The following PCDHA10 variants were observed in gnomAD, a reference collection of about 807,000 sequenced individuals.
The protein encoded by PCDHA10 is protocadherin alpha-10.
Under a neutral mutation model 61.2 loss-of-function variants are expected in PCDHA10, and 45 were observed. The observed-to-expected ratio is 0.74, with a 90% CI of 0.58 to 0.94. The LOEUF (loss-of-function observed/expected upper bound fraction) is 0.94. Ranked by LOEUF, PCDHA10 falls within the 40% of genes least tolerant of loss-of-function variation. PCDHA10 has a pLI of 0.00. For synonymous variants in PCDHA10, 602 were observed against 548.8 expected (o/e 1.10, Z -1.35); for missense variants, 1,278 against 1,236.2 (o/e 1.03, Z -0.51).
chr5:140,913,073 G>A (rs529914576), intron 1 of PCDHA10, among the ~76,000 whole-genome samples: 7 of 152,184 alleles, frequency 4.6e-5, no homozygotes, highest in Admixed American at 1.3e-4. Flanking sequence ...ATGTGTCATT[G>A]TTTGGTATCA....
At chr5:140,893,888 G>A (rs1182777052) in intron 1 of PCDHA10, among the ~76,000 whole-genome samples, 1 of 152,128 alleles carries the variant, frequency 6.6e-6, no homozygotes, top group Non-Finnish European at 1.5e-5. Context: ...TGGCCAGAAA[G>A]TTACTTTACC....
chr5:140,948,385 T>A (rs909867343), intron 1 of PCDHA10, among the ~76,000 whole-genome samples: 4 of 151,622 alleles, frequency 2.6e-5, no homozygotes, highest in Admixed American at 2.6e-4. Flanking sequence ...TTCCTCTATT[T>A]TCTGAAAGGT....
At chr5:140,988,942 G>C (rs1236805502) in intron 3 of PCDHA10, 1 of 152,180 alleles carries the variant, frequency 6.6e-6, no homozygotes, top group East Asian at 1.9e-4. Context: ...CTCTTAGGCT[G>C]CAGTTTCCTT....
intron 1 of PCDHA10, chr5:140,869,810 A>G: frequency 6.2e-7 from 1 of 1,612,624 alleles, no homozygotes; most frequent in South Asian, 1.1e-5. Context: ...TTGGATGTCA[A>G]CGACAATGAT....
chr5:140,870,566 T>C (rs1554164425), intron 1 of PCDHA10: 7 of 1,613,980 alleles, frequency 4.3e-6, no homozygotes, highest in Admixed American at 3.3e-5. Flanking sequence ...GAGAACGCGC[T>C]GGTGTCCTAC....
chr5:140,856,019 C>G lies in PCDHA10; in HGVS notation c.-30C>G. On this transcript the variant is annotated 5_prime_UTR_variant, in exon 1 of 4. Transcript: ENST00000307360. Reference sequence around the variant, plus strand: ...GTATGTGCGTTCTAGACCGCTGATTCGTCGATTTGTAAAACAAGAGAAGGA... The same window carrying G: ...GTATGTGCGTTCTAGACCGCTGATTGGTCGATTTGTAAAACAAGAGAAGGA... 6.4e-7 allele frequency: 1 copy of G among 1,551,820 alleles called. No individual in the cohort carries two copies. The highest frequency in any genetic ancestry group is 8.7e-7 in the Non-Finnish European group (1 of 1,143,026).
intron 1 of PCDHA10, among the ~76,000 whole-genome samples, chr5:140,899,834 G>T (rs181729880): frequency 6.6e-6 from 1 of 152,198 alleles, no homozygotes; most frequent in Admixed American, 6.5e-5. Context: ...TTTGAGACAG[G>T]TCTTGCTGTG....
At chr5:140,918,111 C>A (rs1035723043) in intron 1 of PCDHA10, among the ~76,000 whole-genome samples, 1 of 152,016 alleles carries the variant, frequency 6.6e-6, no homozygotes, top group Admixed American at 6.6e-5. Flanking sequence ...CTTTCACATC[C>A]TTGATTAGCC....
rs1191323415 is a variant in PCDHA10, at chr5:140,858,117, C to A, written c.2069C>A (p.Ala690Asp). 1 of 1,597,608 alleles carries A rather than the reference C, an allele frequency of 6.3e-7. No homozygotes were observed. The highest frequency in any genetic ancestry group is 1.3e-5 in the African/African-American group (1 of 74,344). ...RASVGVAPEV[A>D]LVDVNVYLII... Reference sequence around the variant, plus strand: ...TCAGTGGGCGTGGCGCCCGAGGTGGCCCTGGTGGATGTCAACGTGTACCTG... The same window carrying A: ...TCAGTGGGCGTGGCGCCCGAGGTGGACCTGGTGGATGTCAACGTGTACCTG... Residue 690 changes from alanine (A) to aspartate (D), a missense_variant, in exon 1 of 4, where the codon GCC becomes GAC. Ala to Asp is a moderately radical substitution (Grantham distance 126). Transcript: ENST00000307360.
rs58232896 is a variant in PCDHA10 at position 140,946,262 on chromosome 5, C to T, written c.2389-32687C>T. Among the ~76,000 whole-genome samples the T allele has an allele frequency of 3.4e-3, 520 of 151,790 alleles. 2 individuals are homozygous for T. Among genetic ancestry groups the T allele is most frequent in the African/African-American group, 0.012 (483 of 41,394 alleles). On this transcript the variant is annotated intron_variant, in intron 1 of 3. Transcript: ENST00000307360. Reference sequence around the variant, plus strand: ...AACATCATGAATCATCAGAAAAATGCGAATTAAAACCCCAATGAGATATCA... The same window carrying T: ...AACATCATGAATCATCAGAAAAATGTGAATTAAAACCCCAATGAGATATCA...
intron 1 of PCDHA10, among the ~76,000 whole-genome samples, chr5:140,934,036 G>T (rs181745303): frequency 2.9e-4 from 44 of 151,956 alleles, no homozygotes; most frequent in African/African-American, 1.0e-3. Context: ...GTTTATTAAT[G>T]ATATTAGTCT....
chr5:140,856,558 A>T lies in PCDHA10; in HGVS notation c.510A>T (p.Lys170Asn), dbSNP rs372031038. 2.5e-6 allele frequency: 4 copies of T among 1,598,086 alleles called. 1 individual carries two copies. The East Asian group carries it at 8.9e-5, about 36-fold the overall frequency. ...GAGAGAACGCATTGCTTACTTACAA[A>T]CTCAGTCCAAATGAGTATTTTGTTC... is the stretch of plus-strand genomic sequence containing the variant. The part of the protein sequence containing the change: ...DVGENALLTY[K>N]LSPNEYFVLD... The change falls in exon 1 of 4, where the codon AAA (lysine) becomes AAT (asparagine). Residue 170 changes from lysine to asparagine, a missense_variant. Coordinates refer to ENST00000307360, the MANE Select transcript of PCDHA10 (RefSeq NM_018901.4).
intron 1 of PCDHA10, chr5:140,870,454 G>A (rs782508076): frequency 6.2e-7 from 1 of 1,614,236 alleles, no homozygotes; most frequent in African/African-American, 1.3e-5. Flanking sequence ...GAACGACAAT[G>A]CGCCTGCGTT....
chr5:140,926,813 T>C, intron 1 of PCDHA10: 1 of 1,463,920 alleles, frequency 6.8e-7, no homozygotes, highest in East Asian at 2.5e-5. Flanking sequence ...CCGCGGCTCG[T>C]GCTCTCCAGG....
chr5:140,905,948 G>A (rs2072228532), intron 1 of PCDHA10, among the ~76,000 whole-genome samples: 3 of 152,180 alleles, frequency 2.0e-5, no homozygotes, highest in Non-Finnish European at 4.4e-5. Flanking sequence ...CTTGGAATCC[G>A]ATGTTCAAGG....
At chr5:140,957,289 C>T (rs1235564629) in intron 1 of PCDHA10, among the ~76,000 whole-genome samples, 1 of 152,162 alleles carries the variant, frequency 6.6e-6, no homozygotes, top group Non-Finnish European at 1.5e-5. Context: ...CCTGCAGTTT[C>T]ACTCTGAGCA....
chr5:140,863,039 T>A (rs530548492), intron 1 of PCDHA10: 24 of 558,728 alleles, frequency 4.3e-5, no homozygotes, highest in South Asian at 3.2e-4. Flanking sequence ...GCTGCATCTG[T>A]CAGCTGGCAG....
chr5:140,889,831 T>C (rs2062398202), intron 1 of PCDHA10, among the ~76,000 whole-genome samples: 1 of 152,138 alleles, frequency 6.6e-6, no homozygotes, highest in African/African-American at 2.4e-5. Flanking sequence ...AGTCTTACAG[T>C]ATGCTTTGGT....
intron 1 of PCDHA10, chr5:140,926,544 C>G (rs9765406): frequency 0.16 from 35,740 of 221,378 alleles, 3,305 homozygotes; most frequent in African/African-American, 0.26. Context: ...GCGTGGTGGT[C>G]GAGACCCCAG....
Sources: gnomAD v4.1 joint callset for allele counts (sites outside exome capture counted in the v4.1 genomes callset) on GRCh38, gnomAD v4.1.1 for gene constraint, MANE v1.5 for transcripts, NCBI Gene and HGNC (gene_info 2026-07-23, HGNC 2026-07-21) for gene names.